The following OSBPL1A variants were observed in gnomAD, a reference collection of about 807,000 sequenced individuals.
The protein encoded by OSBPL1A is oxysterol-binding protein-related protein 1.
OSBPL1A carries 80 observed loss-of-function variants against 137.1 expected under a neutral mutation model. The observed-to-expected ratio is 0.58, with a 90% confidence interval of 0.49 to 0.70. The LOEUF (loss-of-function observed/expected upper bound fraction) is 0.70, where lower values mean the gene tolerates loss of function less well. Among genes scored for constraint, OSBPL1A ranks in the 30% least tolerant of loss-of-function variants. OSBPL1A has a pLI of 0.00. For synonymous variants in OSBPL1A, 365 were observed against 389.7 expected, an observed-to-expected ratio of 0.94 and a Z score of 0.75; for missense variants, 970 against 1,129.4, an observed-to-expected ratio of 0.86 and a Z score of 2.02.
At chr18:24,313,271 T>G (rs1185572627) in intron 12 of OSBPL1A, among the ~76,000 whole-genome samples, 1 of 151,372 alleles carries the variant, frequency 6.6e-6, no homozygotes, top group Non-Finnish European at 1.5e-5. Context: ...TGAAACCCTG[T>G]CTCTACTAAA....
At chr18:24,363,390 C>A (rs1055691660) in intron 4 of OSBPL1A, among the ~76,000 whole-genome samples, 1 of 151,800 alleles carries the variant, frequency 6.6e-6, no homozygotes. Flanking sequence ...ATCTCTCTGA[C>A]GAATCTCTCA....
At position 24,181,093 on chromosome 18, in the gene OSBPL1A, G is replaced by A. The variant is rs142586938; in HGVS notation, c.1812+52C>T. 1.4e-5 allele frequency: 22 copies of A among 1,581,294 alleles called. No individual in the cohort carries two copies. In the African/African-American group the frequency reaches 2.2e-4, roughly 16 times the overall value. The stretch of plus-strand genomic sequence containing the variant: ...GTGAACGTGTGTGTGTTCGGGGCTG[G>A]GTTGGTAGCAAGGTCTCTAAGAGTT... On this transcript the variant is annotated intron_variant, in intron 19 of 27. Transcript: ENST00000319481.
chr18:24,355,097 G>A (rs1373859073), intron 4 of OSBPL1A, among the ~76,000 whole-genome samples: 1 of 152,196 alleles, frequency 6.6e-6, no homozygotes, highest in East Asian at 1.9e-4. Context: ...GCTTCTCCGT[G>A]AGGCTGTTGC....
chr18:24,284,496 A>C (rs752569112), intron 14 of OSBPL1A, among the ~76,000 whole-genome samples: 2 of 152,176 alleles, frequency 1.3e-5, no homozygotes, highest in African/African-American at 4.8e-5. Context: ...AAAAGCTCAC[A>C]ATCTGTCATT....
intron 16 of OSBPL1A, among the ~76,000 whole-genome samples, chr18:24,238,851 C>A (rs1446451593): frequency 1.3e-5 from 2 of 152,314 alleles, no homozygotes; most frequent in East Asian, 1.9e-4. Flanking sequence ...ATATAAAGAC[C>A]TCTTTGAAGA....
intron 15 of OSBPL1A, among the ~76,000 whole-genome samples, chr18:24,250,483 G>A (rs1407888663): frequency 2.0e-5 from 3 of 152,062 alleles, no homozygotes; most frequent in South Asian, 2.1e-4. Context: ...GCCTCCTGAC[G>A]ACATTTCTAG....
rs1222207300 is a variant in OSBPL1A, at chr18:24,270,121, TTAAAA to T, written c.1281+10716_1281+10720del. 4.6e-5 allele frequency among the ~76,000 whole-genome samples: 7 copies of T among 152,326 alleles called. No homozygotes were observed. The East Asian group carries it at 1.3e-3, about 29-fold the overall frequency. On this transcript the variant is annotated intron_variant, in intron 15 of 27. Transcript: ENST00000319481. ...TTCTAAATTTCTATTTTTAGAGGAA[TTAAAA>T]TATTTCTTATAATTCTCAGAAAGCT...
intron 24 of OSBPL1A, among the ~76,000 whole-genome samples, chr18:24,168,587 C>T (rs2145906093): frequency 6.6e-6 from 1 of 152,306 alleles, no homozygotes; most frequent in East Asian, 1.9e-4. Flanking sequence ...GGAATGAAGG[C>T]TTTGGAAGGG....
At chr18:24,339,257 C>A (rs775815174) in intron 5 of OSBPL1A, among the ~76,000 whole-genome samples, 5 of 152,228 alleles carry the variant, frequency 3.3e-5, no homozygotes, top group Non-Finnish European at 7.3e-5. Flanking sequence ...CAGGCATGAG[C>A]CACTGCGCCC....
At chr18:24,275,173 G>A (rs1352004167) in intron 15 of OSBPL1A, among the ~76,000 whole-genome samples, 1 of 152,188 alleles carries the variant, frequency 6.6e-6, no homozygotes, top group African/African-American at 2.4e-5. Flanking sequence ...AAATGGAATT[G>A]GAAAAGGATG....
intron 13 of OSBPL1A, among the ~76,000 whole-genome samples, chr18:24,305,332 A>C (rs1599641813): frequency 6.6e-6 from 1 of 152,288 alleles, no homozygotes; most frequent in East Asian, 1.9e-4. Context: ...GTTATTAATA[A>C]GTTTCCTTGA....
chr18:24,196,250 C>A (rs780274022), intron 17 of OSBPL1A, 50 bp from the exon 18 acceptor site: 3 of 1,320,676 alleles, frequency 2.3e-6, no homozygotes, highest in African/African-American at 1.5e-5. Context: ...CCATTGTCAG[C>A]AGGAGGGAAG....
intron 4 of OSBPL1A, among the ~76,000 whole-genome samples, chr18:24,365,957 ACTAT>A (rs899131808): frequency 2.0e-5 from 3 of 152,024 alleles, no homozygotes; most frequent in Non-Finnish European, 4.4e-5. Context: ...CAATTCCAAC[ACTAT>A]CTACCCAGAG....
chr18:24,192,695 A>G (rs541543709), intron 18 of OSBPL1A, among the ~76,000 whole-genome samples: 1 of 152,322 alleles, frequency 6.6e-6, no homozygotes, highest in South Asian at 2.1e-4. Flanking sequence ...GGGGCTGCAG[A>G]CACGGGGGGC....
intron 15 of OSBPL1A, among the ~76,000 whole-genome samples, chr18:24,275,840 G>A (rs369447400): frequency 6.6e-6 from 1 of 151,598 alleles, no homozygotes; most frequent in Non-Finnish European, 1.5e-5. Context: ...CGATTCTCCT[G>A]CCTCAGCCTC....
chr18:24,246,462 G>C (rs891392645), intron 15 of OSBPL1A, among the ~76,000 whole-genome samples: 1 of 151,884 alleles, frequency 6.6e-6, no homozygotes, highest in African/African-American at 2.4e-5. Flanking sequence ...TGGTTATAAT[G>C]CTGAAAAGGG....
At chr18:24,188,041 G>T (rs1296460875) in intron 18 of OSBPL1A, among the ~76,000 whole-genome samples, 1 of 152,222 alleles carries the variant, frequency 6.6e-6, no homozygotes, top group Non-Finnish European at 1.5e-5. Context: ...TTAAAGAAAG[G>T]AAGAGCTTTA....
At chr18:24,327,414 A>AT (rs1158247948) in intron 7 of OSBPL1A, among the ~76,000 whole-genome samples, 3 of 151,348 alleles carry the variant, frequency 2.0e-5, no homozygotes, top group Middle Eastern at 3.4e-3. Context: ...TGATTGATTG[A>AT]TTTTTTACTT....
At chr18:24,344,821 G>GTTTTT (rs1407321474) in intron 4 of OSBPL1A, among the ~76,000 whole-genome samples, 1 of 151,748 alleles carries the variant, frequency 6.6e-6, no homozygotes, top group African/African-American at 2.4e-5. Context: ...TTTTGTTTTT[G>GTTTTT]TTTTCTTGGG....
Sources: gnomAD v4.1 joint callset for allele counts (sites outside exome capture counted in the v4.1 genomes callset) on GRCh38, gnomAD v4.1.1 for gene constraint, MANE v1.5 for transcripts, NCBI Gene and HGNC (gene_info 2026-07-23, HGNC 2026-07-21) for gene names.